The following ANKRD36 variants were observed in gnomAD, a reference collection of about 807,000 sequenced individuals.
ANKRD36 encodes the protein ankyrin repeat domain 36, also known as ankyrin repeat domain-containing protein 36A.
Under a neutral mutation model 278.1 loss-of-function variants are expected in ANKRD36, and 179 were observed. The ratio of observed to expected loss-of-function variants is 0.64; its 90% CI spans 0.57 to 0.73. The LOEUF (loss-of-function observed/expected upper bound fraction) is 0.73. ANKRD36 is among the 30% of genes least tolerant of loss of function. ANKRD36 has a pLI of 0.00. For synonymous variants in ANKRD36, 320 were observed against 641.1 expected, an observed-to-expected ratio of 0.50 and a Z score of 7.57; for missense variants, 1,159 against 1,956.7, an observed-to-expected ratio of 0.59 and a Z score of 7.69.
intron 24 of ANKRD36, among the ~76,000 whole-genome samples, chr2:97,180,420 A>AAAG (rs1294169794): frequency 6.6e-6 from 1 of 151,532 alleles, no homozygotes; most frequent in Non-Finnish European, 1.5e-5. Flanking sequence ...GAAGGAGGAA[A>AAAG]AAGAAGGTAT....
At chr2:97,202,446 T>C in intron 48 of ANKRD36, 53 bp downstream of exon 48, 3 of 1,539,634 alleles carry the variant, frequency 1.9e-6, no homozygotes, top group Middle Eastern at 1.7e-4. Context: ...GATAAGAAGT[T>C]CTCTTCCCCA....
intron 6 of ANKRD36, among the ~76,000 whole-genome samples, chr2:97,130,186 G>A (rs889500131): frequency 6.6e-6 from 1 of 151,662 alleles, no homozygotes; most frequent in African/African-American, 2.4e-5. Context: ...GCAAAGACAT[G>A]GAACCAACCC....
At chr2:97,216,680 A>T (rs55993211) in intron 62 of ANKRD36, 5,678 of 301,408 alleles carry the variant, frequency 0.019, no homozygotes, top group Non-Finnish European at 0.028. Flanking sequence ...CACTGAAGAG[A>T]CGTGAAGTGT....
chr2:97,177,378 T>A (rs1445804728), intron 22 of ANKRD36, among the ~76,000 whole-genome samples: 1 of 151,926 alleles, frequency 6.6e-6, no homozygotes, highest in Non-Finnish European at 1.5e-5. Context: ...AAGTCAATCC[T>A]AAGCCAAAAG....
At chr2:97,132,529 A>T (rs923458074) in intron 6 of ANKRD36, among the ~76,000 whole-genome samples, 1 of 150,596 alleles carries the variant, frequency 6.6e-6, no homozygotes, top group African/African-American at 2.4e-5. Flanking sequence ...TCTCAAAGGC[A>T]ACCGTTAAGG....
intron 22 of ANKRD36, among the ~76,000 whole-genome samples, chr2:97,176,182 T>C (rs1345439085): frequency 1.3e-5 from 2 of 151,916 alleles, no homozygotes; most frequent in Non-Finnish European, 2.9e-5. Context: ...GTATCCTTGT[T>C]GACTTTCTCT....
At chr2:97,183,867 T>A (rs1168522764) in intron 28 of ANKRD36, among the ~76,000 whole-genome samples, 13 of 151,616 alleles carry the variant, frequency 8.6e-5, no homozygotes, top group Non-Finnish European at 8.8e-5. Context: ...CTACATTGAA[T>A]TTGGATAGAA....
intron 40 of ANKRD36, among the ~76,000 whole-genome samples, 165 bp downstream of exon 40, chr2:97,195,082 G>C (rs1290767596): frequency 5.9e-5 from 9 of 151,954 alleles, no homozygotes; most frequent in Non-Finnish European, 1.0e-4. Flanking sequence ...TACTGGTCTG[G>C]AACATGATCT....
chr2:97,193,942 T>C lies in ANKRD36; in HGVS notation c.2450-784T>C, dbSNP rs150114112. Among the ~76,000 whole-genome samples, 47 of 151,828 alleles carry C rather than the reference T, an allele frequency of 3.1e-4. 1 individual carries two copies. In the East Asian group the frequency reaches 8.8e-3, roughly 28 times the overall value. On this transcript the variant is annotated intron_variant, in intron 38 of 75. Transcript: ENST00000420699. ...CTAAAATAGTCATTTTCAATGAATA[T>C]TGCAGTGATTTCTGAATGAAAAACT...
chr2:97,207,049 A>C (rs2063053282), intron 52 of ANKRD36, among the ~76,000 whole-genome samples: 1 of 151,668 alleles, frequency 6.6e-6, no homozygotes, highest in East Asian at 2.0e-4. Flanking sequence ...TGAATGAAAA[A>C]CTGATCAATA....
intron 67 of ANKRD36, among the ~76,000 whole-genome samples, chr2:97,229,539 G>A (rs1215366038): frequency 1.6e-4 from 24 of 152,070 alleles, no homozygotes; most frequent in African/African-American, 5.3e-4. Flanking sequence ...GTCTCTGCAC[G>A]TGAGATGGGT....
intron 22 of ANKRD36, 91 bp from the exon 23 acceptor site, chr2:97,179,647 A>G: frequency 6.5e-7 from 1 of 1,545,734 alleles, no homozygotes; most frequent in Non-Finnish European, 8.7e-7. Context: ...GGAGTACAAA[A>G]CTTGATGCTA....
At chr2:97,143,320 G>T (rs1226200129) in intron 8 of ANKRD36, among the ~76,000 whole-genome samples, 1 of 151,834 alleles carries the variant, frequency 6.6e-6, no homozygotes. Context: ...GGGAAAAGAA[G>T]ATGTTATTTA....
At chr2:97,211,418 A>C in intron 56 of ANKRD36, 128 bp from the exon 57 acceptor site, 1 of 1,418,898 alleles carries the variant, frequency 7.0e-7, no homozygotes, top group Non-Finnish European at 9.6e-7. Context: ...CCAGACACAA[A>C]GTAGAAGCCG....
rs1244326628 is a variant in ANKRD36, at chr2:97,118,067, C to T, written c.201C>T (p.Thr67=). 1.8e-5 allele frequency: 28 copies of T among 1,553,024 alleles called. No individual in the cohort carries two copies. The highest frequency in any genetic ancestry group is 1.7e-4 in the Middle Eastern group (1 of 5,990). Reference sequence around the variant, plus strand: ...AAAAGTCCTGTCACTCTCACAGGACCGCCCTACATTTGGCCTGTGCCACTG... The same window carrying T: ...AAAAGTCCTGTCACTCTCACAGGACTGCCCTACATTTGGCCTGTGCCACTG... ...DANKRDRKER[T]ALHLACATGQ... Residue 67 remains threonine, a synonymous_variant, in exon 2 of 76, where the codon ACC becomes ACT. Transcript: ENST00000420699.
chr2:97,174,388 A>G (rs922961437), intron 22 of ANKRD36, among the ~76,000 whole-genome samples: 2 of 151,592 alleles, frequency 1.3e-5, no homozygotes, highest in African/African-American at 4.8e-5. Context: ...AAAGAGTGAT[A>G]GAATTGGGAT....
intron 3 of ANKRD36, among the ~76,000 whole-genome samples, chr2:97,122,498 C>T (rs2037166748): frequency 6.8e-6 from 1 of 145,998 alleles, no homozygotes; most frequent in African/African-American, 2.5e-5. Context: ...ATACCTGAAA[C>T]ATTTATTACT....
At chr2:97,200,679 C>T (rs1476996162) in intron 46 of ANKRD36, among the ~76,000 whole-genome samples, 154 bp downstream of exon 46, 9 of 152,002 alleles carry the variant, frequency 5.9e-5, no homozygotes, top group African/African-American at 1.9e-4. Flanking sequence ...TATGCTGATG[C>T]TGCTTGTCTG....
intron 6 of ANKRD36, among the ~76,000 whole-genome samples, chr2:97,132,575 T>G (rs1434018999): frequency 6.6e-6 from 1 of 151,902 alleles, no homozygotes; most frequent in African/African-American, 2.4e-5. Context: ...ATAAACAGCC[T>G]TCTGATCGTA....
Sources: allele counts gnomAD v4.1 joint callset (sites outside exome capture counted in the v4.1 genomes callset), GRCh38; gene constraint gnomAD v4.1.1; transcripts MANE v1.5; gene names NCBI Gene and HGNC (gene_info 2026-07-23, HGNC 2026-07-21).